The following WDR59 variants were observed in gnomAD, a reference collection of about 807,000 sequenced individuals.
WDR59 encodes WD repeat domain 59.
Under a neutral mutation model 131.2 loss-of-function variants are expected in WDR59, and 100 were observed. That is an observed-to-expected ratio of 0.76 (90% CI 0.65 to 0.90). The LOEUF is 0.90. WDR59 is among the 40% of genes least tolerant of loss of function. The probability of loss-of-function intolerance (pLI) is 0.00; values close to 1 mark genes in which losing one functional copy is unlikely to be tolerated. For missense variants in WDR59, 1,203 were observed against 1,262.2 expected (o/e 0.95, Z 0.71); for synonymous variants, 601 against 466.2 (o/e 1.29, Z -3.72).
chr16:74,911,041 T>C (rs1966057194), intron 14 of WDR59, among the ~76,000 whole-genome samples: 1 of 152,152 alleles, frequency 6.6e-6, no homozygotes, highest in South Asian at 2.1e-4. Context: ...TTTTTCTATT[T>C]TTAGTAGACA....
chr16:74,948,575 A>G lies in WDR59; in HGVS notation c.408-19T>C. ...TGTGTCTCTGAAATATAAAAATAAA[A>G]AATCAAATCCCCAATTTATATGCCA... On this transcript the variant is annotated intron_variant, in intron 5 of 25. Transcript: ENST00000262144. 1 of 1,608,122 alleles carries G rather than the reference A, an allele frequency of 6.2e-7. No homozygotes were observed. Among genetic ancestry groups the G allele is most frequent in the Non-Finnish European group, 8.5e-7 (1 of 1,174,592 alleles).
intron 25 of WDR59, among the ~76,000 whole-genome samples, chr16:74,879,549 T>C (rs1235578618): frequency 1.3e-5 from 2 of 152,136 alleles, no homozygotes; most frequent in Admixed American, 6.5e-5. Context: ...ATACAACTGA[T>C]GGAAAAATTT....
chr16:74,889,689 C>G lies in WDR59; in HGVS notation c.2195+14G>C, dbSNP rs191544302. 145 of 1,602,740 alleles carry G rather than the reference C, an allele frequency of 9.0e-5. No homozygotes were observed. In the African/African-American group the frequency reaches 1.6e-3, roughly 18 times the overall value. ...CATCACTCATTTTTCTCATTTTTAG[C>G]TCTCAAAACCTACAGGGACTCCAGC... On this transcript the variant is annotated intron_variant, in intron 21 of 25. Coordinates refer to ENST00000262144, the MANE Select transcript of WDR59 (RefSeq NM_030581.4).
intron 17 of WDR59, among the ~76,000 whole-genome samples, chr16:74,906,130 C>A (rs188052589): frequency 6.6e-6 from 1 of 151,224 alleles, no homozygotes; most frequent in Non-Finnish European, 1.5e-5. Context: ...CTGGCTAACA[C>A]GGTGAAACAT....
At chr16:74,901,737 A>G (rs139017840) in intron 18 of WDR59, among the ~76,000 whole-genome samples, 8 of 152,280 alleles carry the variant, frequency 5.3e-5, no homozygotes, top group South Asian at 4.1e-4. Context: ...AAGCAACAAA[A>G]GTGACATCAT....
intron 25 of WDR59, among the ~76,000 whole-genome samples, chr16:74,882,727 T>G (rs1016691636): frequency 1.1e-4 from 16 of 143,226 alleles, no homozygotes; most frequent in African/African-American, 4.1e-4. Flanking sequence ...TGAGAATCAC[T>G]TGAACTTGGG....
intron 18 of WDR59, chr16:74,899,570 G>A (rs1469282088): frequency 7.3e-6 from 5 of 687,354 alleles, no homozygotes; most frequent in Non-Finnish European, 1.1e-5. Context: ...AAAATTGACT[G>A]TTGCTGGTCC....
At chr16:74,977,580 C>CG (rs2034238338) in intron 1 of WDR59, among the ~76,000 whole-genome samples, 1 of 151,872 alleles carries the variant, frequency 6.6e-6, no homozygotes, top group South Asian at 2.1e-4. Context: ...CCCAGCCACT[C>CG]GGGAAGCTAA....
At chr16:74,881,166 C>A (rs981721094) in intron 25 of WDR59, among the ~76,000 whole-genome samples, 5 of 152,064 alleles carry the variant, frequency 3.3e-5, no homozygotes, top group Non-Finnish European at 5.9e-5. Context: ...CTAGCAATAT[C>A]CCCACAAAAT....
At chr16:74,897,960 T>A (rs926578813) in intron 18 of WDR59, among the ~76,000 whole-genome samples, 2 of 152,162 alleles carry the variant, frequency 1.3e-5, no homozygotes, top group African/African-American at 4.8e-5. Context: ...AAATCTCAAA[T>A]CAGGTCAGAT....
intron 8 of WDR59, among the ~76,000 whole-genome samples, chr16:74,925,339 T>G (rs867072324): frequency 6.7e-6 from 1 of 149,996 alleles, no homozygotes; most frequent in African/African-American, 2.5e-5. Flanking sequence ...AGGTCAGGAG[T>G]TCAAGACCAG....
At chr16:74,930,213 A>G (rs1013108138) in intron 8 of WDR59, among the ~76,000 whole-genome samples, 1 of 152,226 alleles carries the variant, frequency 6.6e-6, no homozygotes, top group African/African-American at 2.4e-5. Flanking sequence ...TGTTTATAAC[A>G]GAAAAAAATG....
chr16:74,944,192 G>A lies in WDR59; in HGVS notation c.446-1366C>T, dbSNP rs988238967. Among the ~76,000 whole-genome samples the A allele has an allele frequency of 2.4e-4, 37 of 152,102 alleles. 1 individual carries two copies. Among genetic ancestry groups the A allele is most frequent in the South Asian group, 1.0e-3 (5 of 4,828 alleles). ...AAGATCATTATACCAGAGGCCAGGC[G>A]CAGTGGCTTGCACCTATAATCCCAG... On this transcript the variant is annotated intron_variant, in intron 6 of 25. Coordinates refer to ENST00000262144, the MANE Select transcript of WDR59 (RefSeq NM_030581.4).
At position 74,896,079 on chromosome 16, in the gene WDR59, G is replaced by A. The variant is rs184209339; in HGVS notation, c.1867-2267C>T. On this transcript the variant is annotated intron_variant, in intron 18 of 25. Coordinates refer to ENST00000262144, the MANE Select transcript of WDR59 (RefSeq NM_030581.4). ...ACTGGTCATCTCAAGTGAGACTCAG[G>A]GCACTGGATTAAAAAAAAAAAATCT... Among the ~76,000 whole-genome samples, 28 of 151,418 alleles carry A rather than the reference G, an allele frequency of 1.8e-4. No homozygotes were observed. In the East Asian group the frequency reaches 5.0e-3, roughly 27 times the overall value.
intron 13 of WDR59, among the ~76,000 whole-genome samples, chr16:74,914,672 C>T (rs1399532803): frequency 6.6e-6 from 1 of 150,840 alleles, no homozygotes; most frequent in Non-Finnish European, 1.5e-5. Flanking sequence ...GGCCTCACTG[C>T]AAGCTCTGCC....
At chr16:74,981,169 T>C (rs1380978883) in intron 1 of WDR59, among the ~76,000 whole-genome samples, 1 of 151,246 alleles carries the variant, frequency 6.6e-6, no homozygotes. Flanking sequence ...ATCGAGACCA[T>C]CCTGGCTAAC....
chr16:74,945,817 T>A (rs1335423325), intron 6 of WDR59, among the ~76,000 whole-genome samples: 14 of 127,246 alleles, frequency 1.1e-4, no homozygotes, highest in African/African-American at 6.0e-4. Flanking sequence ...TCACATAACT[T>A]TTTTTTTTTT....
In WDR59 at chr16:74,960,762, A is replaced by T. The variant is rs557792132; in HGVS notation, c.105-4152T>A. Among the ~76,000 whole-genome samples the T allele has an allele frequency of 2.7e-3, 404 of 151,832 alleles. 5 individuals are homozygous for T. Among genetic ancestry groups the T allele is most frequent in the Middle Eastern group, 6.8e-3 (2 of 294 alleles). ...GATTCCGTCTCAAAAATAAAAAAAA[A>T]AAAAAAAAGAGAGAGAGAAAGAAAA... On this transcript the variant is annotated intron_variant, in intron 2 of 25. Transcript: ENST00000262144.
chr16:74,915,836 G>A (rs199672351), intron 13 of WDR59, 34 bp downstream of exon 13: 94 of 1,613,556 alleles, frequency 5.8e-5, no homozygotes, highest in South Asian at 5.8e-4. Context: ...ACTGCCATCA[G>A]CAAACATGAG....
Sources: gnomAD v4.1 joint callset for allele counts (sites outside exome capture counted in the v4.1 genomes callset) on GRCh38, gnomAD v4.1.1 for gene constraint, MANE v1.5 for transcripts, NCBI Gene and HGNC (gene_info 2026-07-23, HGNC 2026-07-21) for gene names.